ZNF292: variants seen among roughly 807,000 people sequenced by gnomAD.
ZNF292 encodes the protein 16 zinc-finger domain protein.
Under a neutral mutation model 217.9 loss-of-function variants are expected in ZNF292, and 26 were observed. That is an observed-to-expected ratio of 0.12 (90% CI 0.09 to 0.17). The LOEUF is 0.17. Ranked by LOEUF, ZNF292 falls within the 10% of genes least tolerant of loss-of-function variation. The pLI is 1.00. For missense variants in ZNF292, 2,904 were observed against 3,175.2 expected (o/e 0.91, Z 2.05); for synonymous variants, 1,257 against 1,124.1 (o/e 1.12, Z -2.37).
intron 4 of ZNF292, among the ~76,000 whole-genome samples, chr6:87,222,338 G>GT (rs1344976922): frequency 6.6e-6 from 1 of 151,940 alleles, no homozygotes; most frequent in Non-Finnish European, 1.5e-5. Flanking sequence ...GATTATTATT[G>GT]TTTTATCAAA....
chr6:87,182,080 T>C (rs918946431), intron 1 of ZNF292, among the ~76,000 whole-genome samples: 3 of 152,200 alleles, frequency 2.0e-5, no homozygotes, highest in African/African-American at 7.2e-5. Flanking sequence ...TGCTTCCTCC[T>C]CACCCACTCA....
intron 1 of ZNF292, among the ~76,000 whole-genome samples, chr6:87,176,212 A>G (rs1007316293): frequency 5.3e-5 from 8 of 152,238 alleles, no homozygotes; most frequent in African/African-American, 1.9e-4. Context: ...GTTTCACATG[A>G]CATGAAGTTT....
Position 87,243,614 on chromosome 6 carries a change from G to T in ZNF292, c.878+3G>T. 6.8e-7 allele frequency: 1 copy of T among 1,462,094 alleles called. No individual in the cohort carries two copies. Among genetic ancestry groups the T allele is most frequent in the Non-Finnish European group, 9.0e-7 (1 of 1,107,504 alleles). 90.6% of individuals were successfully genotyped at this position (1,462,094 alleles called of 1,614,324 possible). A position where few individuals can be genotyped will look rare whatever the true frequency, so the allele number is the denominator to read the frequency against. ...CAAGGAGATATGTACTGCGCTTGGT[G>T]AGTTGATCTTTTTTTTTTTAAAGAA... On this transcript the variant is annotated splice_donor_region_variant and intron_variant, in intron 6 of 7. Coordinates refer to ENST00000369577, the MANE Select transcript of ZNF292 (RefSeq NM_015021.3).
Position 87,258,622 on chromosome 6 carries a change from C to T in ZNF292, c.4993C>T (p.Pro1665Ser), listed in dbSNP as rs1479494276. The change falls in exon 8 of 8, where the codon CCA becomes TCA. Residue 1665 changes from proline (P) to serine (S), a missense_variant. This residue lies in a region of ZNF292 where 622 missense variants were observed against 573.1 expected (regional missense o/e 1.09). Coordinates refer to ENST00000369577, the MANE Select transcript of ZNF292 (RefSeq NM_015021.3). Reference protein sequence around the residue: ...MGLIAKSVEIPTTNLHSNVIP... With the variant: ...MGLIAKSVEISTTNLHSNVIP... ...ACTCATAGCAAAGAGTGTTGAAATC[C>T]CAACTACTAACCTTCATTCAAATGT... is the stretch of plus-strand genomic sequence containing the variant. 1 of 1,613,418 alleles carries T rather than the reference C, an allele frequency of 6.2e-7. No individual in the cohort carries two copies. Among genetic ancestry groups the T allele is most frequent in the Non-Finnish European group, 8.5e-7 (1 of 1,179,734 alleles).
intron 4 of ZNF292, among the ~76,000 whole-genome samples, chr6:87,221,828 T>C (rs1158524402): frequency 3.3e-5 from 5 of 152,128 alleles, no homozygotes; most frequent in Non-Finnish European, 4.4e-5. Context: ...ATCTGTACTC[T>C]AAATATGATC....
chr6:87,173,502 C>G (rs1402403350), intron 1 of ZNF292: 4 of 178,220 alleles, frequency 2.2e-5, no homozygotes, highest in African/African-American at 7.1e-5. Context: ...AGGTCCTAGT[C>G]CTGATGCTTT....
At chr6:87,190,668 T>C (rs966440192) in intron 1 of ZNF292, among the ~76,000 whole-genome samples, 12 of 152,090 alleles carry the variant, frequency 7.9e-5, no homozygotes. Flanking sequence ...GAGATGAGAT[T>C]TTATCATGTT....
Position 87,260,883 on chromosome 6 carries a change from A to G in ZNF292, c.7254A>G (p.Ser2418=), listed in dbSNP as rs1775542576. The change falls in exon 8 of 8, where the codon TCA becomes TCG. Residue 2418 remains serine, a synonymous_variant. Coordinates refer to ENST00000369577, the MANE Select transcript of ZNF292 (RefSeq NM_015021.3). ...KCHKLSKAFT[S]QHRNLLIVFK... ...ATAAATTATCTAAGGCATTTACATC[A>G]CAACACCGAAATCTTCTTATTGTAT... is the stretch of plus-strand genomic sequence containing the variant. 1.2e-6 allele frequency: 2 copies of G among 1,610,202 alleles called. No homozygotes were observed. Among genetic ancestry groups the G allele is most frequent in the Non-Finnish European group, 1.7e-6 (2 of 1,178,066 alleles).
At position 87,260,633 on chromosome 6, in the gene ZNF292, G is replaced by C. The variant is rs199734102; in HGVS notation, c.7004G>C (p.Arg2335Pro). 1 of 1,611,532 alleles carries C rather than the reference G, an allele frequency of 6.2e-7. No individual in the cohort carries two copies. The highest frequency in any genetic ancestry group is 8.5e-7 in the Non-Finnish European group (1 of 1,179,120). Residue 2335 changes from arginine (R) to proline (P), a missense_variant, in exon 8 of 8, where the codon CGA (arginine) becomes CCA (proline). Coordinates refer to ENST00000369577, the MANE Select transcript of ZNF292 (RefSeq NM_015021.3). Reference protein sequence around the residue: ...KEGIKMPKTKRKKKNNLENKN... With the variant: ...KEGIKMPKTKPKKKNNLENKN... ...GGAATAAAAATGCCCAAGACCAAAC[G>C]AAAGAAAAAAAATAATTTAGAAAAC...
Position 87,258,847 on chromosome 6 carries a change from A to G in ZNF292, c.5218A>G (p.Ile1740Val), listed in dbSNP as rs9362415. ...MMALNSCTTS[I>V]NSDLQISEDN... ...GGCTTTGAATTCATGCACAACTTCA[A>G]TAAATTCTGATTTGCAGATTTCTGA... Residue 1740 changes from isoleucine (I) to valine (V), a missense_variant, in exon 8 of 8, where the codon ATA (isoleucine) becomes GTA (valine). By Grantham distance (29) the Ile-to-Val change is conservative (BLOSUM62 3). Transcript: ENST00000369577. 0.51 allele frequency: 815,884 copies of G among 1,609,424 alleles called. 209,381 individuals are homozygous for G. Among genetic ancestry groups the G allele is most frequent in the Admixed American group, 0.66 (39,216 of 59,350 alleles).
chr6:87,254,725 G>A lies in ZNF292; in HGVS notation c.1096G>A (p.Glu366Lys), dbSNP rs1298646761. The change falls in exon 8 of 8, where the codon GAA (glutamate) becomes AAA (lysine). Residue 366 changes from glutamate to lysine, a missense_variant. By Grantham distance (56) the Glu-to-Lys change is moderately conservative. Transcript: ENST00000369577. ...ALRLESTENT[E>K]VKISICKTIS... is the part of the protein sequence containing the mutation. ...TCGCTTGGAGTCTACAGAAAATACT[G>A]AAGTGAAAATATCTATTTGCAAGAC... The A allele has an allele frequency of 6.2e-7, 1 of 1,613,826 alleles. No homozygotes were observed. Among genetic ancestry groups the A allele is most frequent in the Non-Finnish European group, 8.5e-7 (1 of 1,179,840 alleles).
intron 1 of ZNF292, among the ~76,000 whole-genome samples, chr6:87,194,297 A>G (rs1249441267): frequency 6.6e-6 from 1 of 152,166 alleles, no homozygotes; most frequent in East Asian, 1.9e-4. Context: ...AGACATAAAA[A>G]TGCTGTTTAC....
chr6:87,210,598 G>A (rs1483123403), intron 1 of ZNF292, among the ~76,000 whole-genome samples: 1 of 151,934 alleles, frequency 6.6e-6, no homozygotes, highest in African/African-American at 2.4e-5. Flanking sequence ...TGGCTGACAA[G>A]GTGAAACGCC....
Position 87,264,499 on chromosome 6 carries a change from A to G in ZNF292, c.*2698A>G, listed in dbSNP as rs1366945074. On this transcript the variant is annotated 3_prime_UTR_variant, in exon 8 of 8. Transcript: ENST00000369577. ...GATAATATGAAAGTACAATAATACT[A>G]TACCTAGGGACATCAGAAAGAATGC... Among the ~76,000 whole-genome samples, 1 of 152,240 alleles carries G rather than the reference A, an allele frequency of 6.6e-6. No individual in the cohort carries two copies. Among genetic ancestry groups the G allele is most frequent in the Non-Finnish European group, 1.5e-5 (1 of 68,044 alleles).
At chr6:87,168,973 T>C (rs1483132268) in intron 1 of ZNF292, among the ~76,000 whole-genome samples, 1 of 152,162 alleles carries the variant, frequency 6.6e-6, no homozygotes, top group Non-Finnish European at 1.5e-5. Flanking sequence ...GCTATGTAAA[T>C]AGTTGTTATA....
chr6:87,215,949 T>C lies in ZNF292; in HGVS notation c.215T>C (p.Leu72Ser). 1.2e-6 allele frequency: 2 copies of C among 1,602,346 alleles called. No homozygotes were observed. Among genetic ancestry groups the C allele is most frequent in the Non-Finnish European group, 1.7e-6 (2 of 1,176,542 alleles). ...AEKWKTSEDP[L>S]PLLEVYTVAI... ...AAATGGAAAACTTCAGAAGATCCTT[T>C]ACCTTTATTGGAGGTATACACAGTG... Residue 72 changes from leucine to serine, a missense_variant, in exon 2 of 8, where the codon TTA becomes TCA. By Grantham distance (145) the Leu-to-Ser change is moderately radical. This residue lies in a region of ZNF292 where 313 missense variants were observed against 451.0 expected (regional missense o/e 0.69). Transcript: ENST00000369577.
At chr6:87,228,628 G>C (rs1456191151) in intron 4 of ZNF292, among the ~76,000 whole-genome samples, 2 of 152,138 alleles carry the variant, frequency 1.3e-5, no homozygotes, top group Non-Finnish European at 2.9e-5. Flanking sequence ...ATAGGGTCCA[G>C]CTACATTCTT....
chr6:87,253,794 G>A (rs1040851833), intron 7 of ZNF292, among the ~76,000 whole-genome samples: 3 of 152,008 alleles, frequency 2.0e-5, no homozygotes, highest in Admixed American at 6.6e-5. Flanking sequence ...ATCCTGTATC[G>A]TACATATTTT....
chr6:87,213,435 G>A (rs1184350022), intron 1 of ZNF292, among the ~76,000 whole-genome samples: 1 of 152,204 alleles, frequency 6.6e-6, no homozygotes, highest in Non-Finnish European at 1.5e-5. Context: ...TCCTGACGCA[G>A]GTATCCCCTA....
Sources: gnomAD v4.1 joint callset for allele counts (sites outside exome capture counted in the v4.1 genomes callset) on GRCh38, gnomAD v4.1.1 for gene constraint, gnomAD v4.1.1 regional missense constraint, MANE v1.5 for transcripts, NCBI Gene and HGNC (gene_info 2026-07-23, HGNC 2026-07-21) for gene names.